The following ABCC2 variants were observed in gnomAD, a reference collection of about 807,000 sequenced individuals.
ABCC2 encodes ATP binding cassette subfamily C member 2, also known as ATP-binding cassette sub-family C member 2.
ABCC2 carries 157 observed loss-of-function variants against 173.4 expected under a neutral mutation model. That is an observed-to-expected ratio of 0.91 (90% confidence interval 0.80 to 1.03). The LOEUF (loss-of-function observed/expected upper bound fraction) is 1.03. Among genes scored for constraint, ABCC2 ranks in the 50% least tolerant of loss-of-function variants. The probability of loss-of-function intolerance (pLI) is 0.00; values close to 1 mark genes in which losing one functional copy is unlikely to be tolerated. For missense variants in ABCC2, 1,822 were observed against 1,852.3 expected, an observed-to-expected ratio of 0.98 and a Z score of 0.30; for synonymous variants, 657 against 693.5, an observed-to-expected ratio of 0.95 and a Z score of 0.83.
intron 6 of ABCC2, among the ~76,000 whole-genome samples, chr10:99,796,617 G>A (rs2037916387): frequency 6.6e-6 from 1 of 151,994 alleles, no homozygotes; most frequent in Non-Finnish European, 1.5e-5. Flanking sequence ...GCCGGGAGAT[G>A]GAGGTTGCGG....
chr10:99,819,188 G>A lies in ABCC2; in HGVS notation c.2539G>A (p.Ala847Thr), dbSNP rs1224373823. The A allele has an allele frequency of 6.2e-7, 1 of 1,614,010 alleles. No homozygotes were observed. The highest frequency in any genetic ancestry group is 8.5e-7 in the Non-Finnish European group (1 of 1,180,004). Residue 847 changes from alanine (A) to threonine (T), a missense_variant, in exon 19 of 32, where the codon GCT (alanine) becomes ACT (threonine). Ala to Thr is a moderately conservative substitution (Grantham distance 58). Transcript: ENST00000647814. ...GTIVEKGSYS[A>T]LLAKKGEFAK... is the part of the protein sequence containing the mutation. ...AATTGTAGAGAAAGGATCCTACAGT[G>A]CTCTCCTGGCCAAAAAAGGAGAGTT...
At chr10:99,830,477 T>G in intron 20 of ABCC2, 44 bp downstream of exon 20, 1 of 1,613,956 alleles carries the variant, frequency 6.2e-7, no homozygotes, top group South Asian at 1.1e-5. Context: ...GCTCTATATT[T>G]CCACTTGATC....
At chr10:99,815,042 T>C (rs532787094) in intron 16 of ABCC2, among the ~76,000 whole-genome samples, 1 of 151,978 alleles carries the variant, frequency 6.6e-6, no homozygotes, top group Admixed American at 6.6e-5. Flanking sequence ...TAGGTGTACA[T>C]GTGCCATGGT....
At chr10:99,845,847 C>T in intron 29 of ABCC2, 65 bp downstream of exon 29, 3 of 1,514,394 alleles carry the variant, frequency 2.0e-6, no homozygotes, top group East Asian at 2.4e-5. Flanking sequence ...GAAACATATG[C>T]AGCTTCTTCT....
At chr10:99,792,651 T>A (rs967351126) in intron 3 of ABCC2, among the ~76,000 whole-genome samples, 10 of 152,310 alleles carry the variant, frequency 6.6e-5, no homozygotes, top group African/African-American at 2.4e-4. Flanking sequence ...GAGAGCTAAG[T>A]TTCTTGATGT....
chr10:99,806,077 C>CTCTCTATGTGTGTGTGTGTGTGTG (rs10644836), intron 11 of ABCC2, among the ~76,000 whole-genome samples: 1 of 148,044 alleles, frequency 6.8e-6, no homozygotes, highest in African/African-American at 2.5e-5. Flanking sequence ...CTCTCTCTGT[C>CTCTCTATGTGTGTGTGTGTGTGTG]TGTGTGTGTG....
At chr10:99,827,483 A>G (rs2038664657) in intron 19 of ABCC2, among the ~76,000 whole-genome samples, 1 of 152,028 alleles carries the variant, frequency 6.6e-6, no homozygotes, top group African/African-American at 2.4e-5. Flanking sequence ...AATCTACTAT[A>G]CAGCTTCTAG....
chr10:99,816,580 T>G (rs766427709), intron 16 of ABCC2, among the ~76,000 whole-genome samples: 25 of 152,242 alleles, frequency 1.6e-4, no homozygotes, highest in Non-Finnish European at 2.4e-4. Flanking sequence ...GCGCCCAGTT[T>G]CCATCTCTCT....
At chr10:99,840,388 G>A (rs2038917149) in intron 25 of ABCC2, among the ~76,000 whole-genome samples, 1 of 145,474 alleles carries the variant, frequency 6.9e-6, no homozygotes, top group Non-Finnish European at 1.5e-5. Flanking sequence ...ACCAGCCGCG[G>A]CCACCATGGC....
At position 99,847,040 on chromosome 10, in the gene ABCC2, C is replaced by T; in HGVS notation, c.4226C>T (p.Ala1409Val). 3 of 1,614,208 alleles carry T rather than the reference C, an allele frequency of 1.9e-6. No individual in the cohort carries two copies. Among genetic ancestry groups the T allele is most frequent in the Non-Finnish European group, 2.5e-6 (3 of 1,180,036 alleles). ...NNYSDEEIWKALELAHLKSFV... is the reference protein window; with the variant it reads ...NNYSDEEIWKVLELAHLKSFV... Reference sequence around the variant, plus strand: ...TACTCAGATGAGGAGATTTGGAAGGCCTTGGAGCTGGCTCACCTCAAGTCT... The same window carrying T: ...TACTCAGATGAGGAGATTTGGAAGGTCTTGGAGCTGGCTCACCTCAAGTCT... Residue 1409 changes from alanine to valine, a missense_variant, in exon 30 of 32, where the codon GCC becomes GTC. Transcript: ENST00000647814.
intron 13 of ABCC2, among the ~76,000 whole-genome samples, chr10:99,809,331 C>T (rs963801888): frequency 3.3e-5 from 5 of 152,026 alleles, no homozygotes; most frequent in South Asian, 2.1e-4. Context: ...CCAGCCTGGG[C>T]GACAGAGTGA....
chr10:99,800,669 AC>A, intron 9 of ABCC2, 106 bp downstream of exon 9: 3 of 1,312,624 alleles, frequency 2.3e-6, no homozygotes, highest in Non-Finnish European at 3.3e-6. Flanking sequence ...TTATCTCAAC[AC>A]TTAATGTTGA....
intron 18 of ABCC2, 54 bp downstream of exon 18, chr10:99,819,011 G>A (rs778332569): frequency 3.3e-5 from 53 of 1,610,438 alleles, no homozygotes; most frequent in African/African-American, 1.2e-4. Context: ...GAGGGAGAGG[G>A]GAGGACATGT....
At chr10:99,809,379 A>G (rs1301782941) in intron 13 of ABCC2, among the ~76,000 whole-genome samples, 1 of 152,112 alleles carries the variant, frequency 6.6e-6, no homozygotes, top group Non-Finnish European at 1.5e-5. Flanking sequence ...AATCAAAACA[A>G]AAGGGTCAGA....
intron 30 of ABCC2, among the ~76,000 whole-genome samples, chr10:99,848,798 G>A (rs1049276589): frequency 2.6e-5 from 4 of 152,140 alleles, no homozygotes; most frequent in Non-Finnish European, 5.9e-5. Flanking sequence ...TTAGTGTGTA[G>A]CCCCAGGGAA....
intron 19 of ABCC2, among the ~76,000 whole-genome samples, chr10:99,828,380 T>A (rs952374698): frequency 6.6e-6 from 1 of 152,166 alleles, no homozygotes; most frequent in Middle Eastern, 3.4e-3. Flanking sequence ...TGCACTGAGA[T>A]TGGTTCTGTG....
intron 1 of ABCC2, 82 bp downstream of exon 1, chr10:99,782,959 A>G (rs1478426973): frequency 1.4e-6 from 2 of 1,419,922 alleles, no homozygotes; most frequent in Non-Finnish European, 2.0e-6. Flanking sequence ...GTGGTCACCA[A>G]CAAGAACCAG....
chr10:99,795,771 G>A (rs933505232), intron 6 of ABCC2, among the ~76,000 whole-genome samples: 1 of 146,224 alleles, frequency 6.8e-6, no homozygotes. Flanking sequence ...AAGAAAGAAA[G>A]AAAGAAAGAA....
At chr10:99,786,386 T>C (rs2037710859) in intron 2 of ABCC2, among the ~76,000 whole-genome samples, 2 of 152,242 alleles carry the variant, frequency 1.3e-5, no homozygotes, top group African/African-American at 4.8e-5. Flanking sequence ...CTCAGTACCC[T>C]TGGAATTGAG....
Sources: allele counts gnomAD v4.1 joint callset (sites outside exome capture counted in the v4.1 genomes callset), GRCh38; gene constraint gnomAD v4.1.1; transcripts MANE v1.5; gene names NCBI Gene and HGNC (gene_info 2026-07-23, HGNC 2026-07-21).